PRKN: variants seen among roughly 807,000 people sequenced by gnomAD.
PRKN encodes the protein parkin RBR E3 ubiquitin protein ligase.
A neutral mutation model predicts 59.5 loss-of-function variants in PRKN; 56 were observed. That is an observed-to-expected ratio of 0.94 (90% CI 0.76 to 1.18). The LOEUF is 1.18. Ranked by LOEUF, PRKN falls within the 50% of genes most tolerant of loss-of-function variation. The probability of loss-of-function intolerance (pLI) is 0.00; values close to 1 mark genes in which losing one functional copy is unlikely to be tolerated. For missense variants in PRKN, 657 were observed against 596.4 expected, an observed-to-expected ratio of 1.10 and a Z score of -1.06; for synonymous variants, 250 against 222.1, an observed-to-expected ratio of 1.13 and a Z score of -1.12.
At chr6:161,572,796 A>G (rs890613992) in intron 7 of PRKN, among the ~76,000 whole-genome samples, 1 of 152,220 alleles carries the variant, frequency 6.6e-6, no homozygotes, top group Non-Finnish European at 1.5e-5. Context: ...CAGATGCTTG[A>G]GCTGAGTGCT....
At chr6:161,963,371 G>A (rs952660113) in intron 6 of PRKN, among the ~76,000 whole-genome samples, 10 of 152,246 alleles carry the variant, frequency 6.6e-5, no homozygotes, top group African/African-American at 2.4e-4. Context: ...ACAAGCACCT[G>A]TGACATCTCT....
At chr6:161,884,236 A>T (rs1369916026) in intron 6 of PRKN, among the ~76,000 whole-genome samples, 1 of 152,222 alleles carries the variant, frequency 6.6e-6, no homozygotes, top group Admixed American at 6.5e-5. Flanking sequence ...TTTTATGTAC[A>T]TTAGCATGTT....
At chr6:162,718,207 T>A (rs961269622) in intron 1 of PRKN, among the ~76,000 whole-genome samples, 4 of 145,078 alleles carry the variant, frequency 2.8e-5, no homozygotes, top group Non-Finnish European at 4.6e-5. Flanking sequence ...ACAAAAAAAA[T>A]CTTATTACTT....
chr6:162,232,075 CAT>C (rs951992918), intron 3 of PRKN, among the ~76,000 whole-genome samples: 3 of 152,146 alleles, frequency 2.0e-5, no homozygotes, highest in Non-Finnish European at 4.4e-5. Flanking sequence ...CAATTTCTAA[CAT>C]AGTGTCAGAA....
intron 4 of PRKN, among the ~76,000 whole-genome samples, chr6:162,085,226 T>C (rs1468236236): frequency 2.0e-5 from 3 of 150,736 alleles, no homozygotes; most frequent in Non-Finnish European, 4.4e-5. Context: ...TCCCACCATG[T>C]TGTATAAATG....
chr6:162,475,693 G>A (rs1420549429), intron 1 of PRKN, among the ~76,000 whole-genome samples: 1 of 143,716 alleles, frequency 7.0e-6, no homozygotes, highest in Admixed American at 7.1e-5. Flanking sequence ...GCCTCCGGAA[G>A]TACAAAACAC....
intron 9 of PRKN, among the ~76,000 whole-genome samples, chr6:161,435,133 T>A (rs1164201823): frequency 6.6e-6 from 1 of 152,170 alleles, no homozygotes; most frequent in Non-Finnish European, 1.5e-5. Context: ...AAATAACACA[T>A]GGGCTTTTGT....
At chr6:162,437,424 G>T (rs1388170823) in intron 2 of PRKN, among the ~76,000 whole-genome samples, 1 of 152,070 alleles carries the variant, frequency 6.6e-6, no homozygotes, top group East Asian at 1.9e-4. Context: ...AGCAGAGAAA[G>T]ATGCCAGCTA....
intron 7 of PRKN, among the ~76,000 whole-genome samples, chr6:161,695,269 G>A (rs1400541508): frequency 2.0e-5 from 3 of 152,154 alleles, no homozygotes; most frequent in Non-Finnish European, 4.4e-5. Flanking sequence ...AGAATATACC[G>A]GGAGCCAAGA....
chr6:162,475,780 C>T (rs1028081380), intron 1 of PRKN, among the ~76,000 whole-genome samples: 7 of 152,230 alleles, frequency 4.6e-5, no homozygotes, highest in Non-Finnish European at 8.8e-5. Context: ...GACGGAGTCT[C>T]GCTTTGTCGC....
chr6:162,339,060 C>T (rs371349881), intron 2 of PRKN, among the ~76,000 whole-genome samples: 9,799 of 138,348 alleles, frequency 0.071, 690 homozygotes, highest in Non-Finnish European at 0.096. Context: ...GCCCGGCAGC[C>T]GCCCCGTCTG....
At chr6:162,666,585 T>A (rs1386649205) in intron 1 of PRKN, among the ~76,000 whole-genome samples, 1 of 152,086 alleles carries the variant, frequency 6.6e-6, no homozygotes, top group East Asian at 1.9e-4. Context: ...GTTGTTCACA[T>A]GGAGTAACAT....
rs184973163 is a variant in PRKN, at chr6:161,365,349, G to A, written c.1168-5144C>T. ...CTTGTCTGCAAGAGGAGCACTCAGG[G>A]GCTGAAGTTTCTGGCTCAGGTGTGT... On this transcript the variant is annotated intron_variant, in intron 10 of 11. Coordinates refer to ENST00000366898, the MANE Select transcript of PRKN (RefSeq NM_004562.3). Among the ~76,000 whole-genome samples the A allele has an allele frequency of 7.6e-4, 116 of 152,282 alleles. 1 individual carries two copies. In the East Asian group the frequency reaches 0.019, roughly 25 times the overall value.
intron 1 of PRKN, among the ~76,000 whole-genome samples, chr6:162,645,499 T>C (rs558438844): frequency 1.3e-5 from 2 of 152,330 alleles, no homozygotes; most frequent in South Asian, 2.1e-4. Context: ...GTTTTCTCTT[T>C]CATAGCATGG....
At chr6:162,399,364 C>T (rs1018430937) in intron 2 of PRKN, among the ~76,000 whole-genome samples, 1 of 152,100 alleles carries the variant, frequency 6.6e-6, no homozygotes, top group Non-Finnish European at 1.5e-5. Context: ...TTAATAATCA[C>T]ACAGCAAGGC....
chr6:162,020,822 G>A (rs1783118343), intron 5 of PRKN, among the ~76,000 whole-genome samples: 1 of 151,806 alleles, frequency 6.6e-6, no homozygotes, highest in Non-Finnish European at 1.5e-5. Flanking sequence ...AATATGTAAT[G>A]GGCCCGGCGC....
At chr6:162,512,524 G>C (rs1777671543) in intron 1 of PRKN, among the ~76,000 whole-genome samples, 1 of 152,194 alleles carries the variant, frequency 6.6e-6, no homozygotes, top group Non-Finnish European at 1.5e-5. Context: ...TTAAGCATCA[G>C]AATACCTGGG....
intron 2 of PRKN, among the ~76,000 whole-genome samples, chr6:162,276,723 G>T (rs562735203): frequency 6.6e-6 from 1 of 152,006 alleles, no homozygotes; most frequent in African/African-American, 2.4e-5. Flanking sequence ...GTGTGTGTGT[G>T]TGTGTATTTA....
At chr6:161,600,135 A>C (rs924551632) in intron 7 of PRKN, among the ~76,000 whole-genome samples, 1 of 152,184 alleles carries the variant, frequency 6.6e-6, no homozygotes, top group African/African-American at 2.4e-5. Flanking sequence ...CCAAATTGCT[A>C]TTTTGAATAG....
Sources: gnomAD v4.1 joint callset for allele counts (sites outside exome capture counted in the v4.1 genomes callset) on GRCh38, gnomAD v4.1.1 for gene constraint, MANE v1.5 for transcripts, NCBI Gene and HGNC (gene_info 2026-07-23, HGNC 2026-07-21) for gene names.